The following SLC7A14 variants were observed in gnomAD, a reference collection of about 807,000 sequenced individuals.
SLC7A14 encodes the protein solute carrier family 7 member 14, also known as gamma-aminobutyric acid transporter SLC7A14.
In SLC7A14, 37 loss-of-function variants were observed where a neutral mutation model predicts 60.2. That is an observed-to-expected ratio of 0.61 (90% CI 0.47 to 0.81). The LOEUF (loss-of-function observed/expected upper bound fraction) is 0.81, where lower values mean the gene tolerates loss of function less well. Among genes scored for constraint, SLC7A14 ranks in the 30% least tolerant of loss-of-function variants. The pLI is 0.00. For synonymous variants in SLC7A14, 399 were observed against 395.8 expected, an observed-to-expected ratio of 1.01 and a Z score of -0.10; for missense variants, 886 against 982.7, an observed-to-expected ratio of 0.90 and a Z score of 1.32.
rs189430716 is a variant in SLC7A14 at position 170,554,703 on chromosome 3, G to T, written c.-152-27615C>A. Among the ~76,000 whole-genome samples the T allele has an allele frequency of 3.9e-3, 594 of 152,294 alleles. 2 individuals are homozygous for T. The highest frequency in any genetic ancestry group is 6.8e-3 in the South Asian group (33 of 4,830). ...ATGTTCCTCCTAAAGCCCAACTGTG[G>T]TTATTATCTCTTTGCTCAGGAGCCT... On this transcript the variant is annotated intron_variant, in intron 1 of 7. Coordinates refer to ENST00000231706, the MANE Select transcript of SLC7A14 (RefSeq NM_020949.3).
At chr3:170,580,230 G>A (rs548312965) in intron 1 of SLC7A14, among the ~76,000 whole-genome samples, 3 of 152,298 alleles carry the variant, frequency 2.0e-5, no homozygotes, top group Admixed American at 2.0e-4. Context: ...CTTCAACTAT[G>A]TTATTGATTA....
At chr3:170,486,814 G>T (rs540732189) in intron 4 of SLC7A14, among the ~76,000 whole-genome samples, 1 of 150,178 alleles carries the variant, frequency 6.7e-6, no homozygotes, top group Non-Finnish European at 1.5e-5. Flanking sequence ...AGAGGTTGCA[G>T]TGAGCTGAGA....
chr3:170,467,046 G>A lies in SLC7A14; in HGVS notation c.*9C>T. ...GTCATCACCATTTCTACCCACTTGT[G>A]TGTTTCTCCTACTCTGGAGAGTAAT... On this transcript the variant is annotated 3_prime_UTR_variant, in exon 8 of 8. Transcript: ENST00000231706. 6.3e-7 allele frequency: 1 copy of A among 1,582,256 alleles called. No homozygotes were observed. The highest frequency in any genetic ancestry group is 8.6e-7 in the Non-Finnish European group (1 of 1,161,878).
chr3:170,485,346 C>CT (rs1391472337), intron 5 of SLC7A14, among the ~76,000 whole-genome samples: 5 of 152,098 alleles, frequency 3.3e-5, no homozygotes, highest in East Asian at 1.9e-4. Flanking sequence ...CTAAAGATGT[C>CT]TTTTTTGGGA....
rs1199652237 is a variant in SLC7A14, at chr3:170,582,923, A to C, written c.-153+2988T>G. Among the ~76,000 whole-genome samples, 5 of 152,206 alleles carry C rather than the reference A, an allele frequency of 3.3e-5. No individual in the cohort carries two copies. In the East Asian group the frequency reaches 9.6e-4, roughly 29 times the overall value. On this transcript the variant is annotated intron_variant, in intron 1 of 7. Transcript: ENST00000231706. ...CAGGTTCTGCTGTATGTTAGAGCGA[A>C]CTAGAATCCTAGGACCATCTTTAGT... is the stretch of plus-strand genomic sequence containing the variant.
chr3:170,566,804 G>C (rs1461239569), intron 1 of SLC7A14, among the ~76,000 whole-genome samples: 1 of 149,694 alleles, frequency 6.7e-6, no homozygotes, highest in Admixed American at 6.7e-5. Flanking sequence ...TCACCTTATA[G>C]TTCAGTTAAA....
At chr3:170,491,002 T>C (rs1054711442) in intron 4 of SLC7A14, among the ~76,000 whole-genome samples, 8 of 152,180 alleles carry the variant, frequency 5.3e-5, no homozygotes, top group Non-Finnish European at 8.8e-5. Context: ...CTCTCCTCCT[T>C]CTACTCCCCT....
At chr3:170,579,995 G>A (rs1286175507) in intron 1 of SLC7A14, among the ~76,000 whole-genome samples, 3 of 152,182 alleles carry the variant, frequency 2.0e-5, no homozygotes, top group Non-Finnish European at 1.5e-5. Context: ...CCCGAGAAGG[G>A]CTAGAAGTGT....
At chr3:170,549,205 G>A (rs1030673224) in intron 1 of SLC7A14, among the ~76,000 whole-genome samples, 1 of 146,980 alleles carries the variant, frequency 6.8e-6, no homozygotes, top group Non-Finnish European at 1.5e-5. Flanking sequence ...CTGGGACACC[G>A]GCCTTCTTCT....
chr3:170,543,751 CTT>C (rs1177925466), intron 1 of SLC7A14, among the ~76,000 whole-genome samples: 45 of 136,686 alleles, frequency 3.3e-4, no homozygotes, highest in Middle Eastern at 3.7e-3. Flanking sequence ...TTCTTTCTTT[CTT>C]TTTTTTTTTT....
intron 1 of SLC7A14, among the ~76,000 whole-genome samples, chr3:170,541,710 G>A (rs961988281): frequency 6.6e-6 from 1 of 152,202 alleles, no homozygotes; most frequent in South Asian, 2.1e-4. Flanking sequence ...ATGGTAAAAT[G>A]TTAAAAATGG....
At chr3:170,537,933 T>C (rs922991723) in intron 1 of SLC7A14, among the ~76,000 whole-genome samples, 3 of 144,854 alleles carry the variant, frequency 2.1e-5, no homozygotes, top group African/African-American at 7.9e-5. Flanking sequence ...GTCTATATGG[T>C]CGTGGTCCTT....
chr3:170,514,202 A>G (rs1232540259), intron 2 of SLC7A14, among the ~76,000 whole-genome samples: 1 of 152,210 alleles, frequency 6.6e-6, no homozygotes, highest in Non-Finnish European at 1.5e-5. Context: ...TGTTCAAAGT[A>G]GATGGCCTGG....
chr3:170,530,366 C>T (rs985267243), intron 1 of SLC7A14, among the ~76,000 whole-genome samples: 2 of 152,076 alleles, frequency 1.3e-5, no homozygotes, highest in Non-Finnish European at 2.9e-5. Context: ...ATTTGAGTGT[C>T]GTGTTGACTA....
chr3:170,526,076 A>T (rs1399695262), intron 2 of SLC7A14, among the ~76,000 whole-genome samples: 5 of 126,338 alleles, frequency 4.0e-5, no homozygotes, highest in South Asian at 2.5e-4. Context: ...GACTCTGTTT[A>T]AAAAAAAAAA....
chr3:170,549,662 C>G (rs1182622826), intron 1 of SLC7A14, among the ~76,000 whole-genome samples: 1 of 152,162 alleles, frequency 6.6e-6, no homozygotes, highest in African/African-American at 2.4e-5. Context: ...TAGAGCTACC[C>G]GATGCCCTGG....
chr3:170,482,129 C>T (rs1387970482), intron 6 of SLC7A14, among the ~76,000 whole-genome samples: 1 of 152,164 alleles, frequency 6.6e-6, no homozygotes, highest in Non-Finnish European at 1.5e-5. Context: ...CAGCTAGTTA[C>T]TGACTGAAGA....
In SLC7A14 at chr3:170,526,770, A is replaced by T. The variant is rs779042643; in HGVS notation, c.167T>A (p.Val56Glu). ...GCCAACGCCAAGAGAGATGAGGTCC[A>T]CTGTGGTGAGTACCTGGGCTAGCTT... Reference protein sequence around the residue: ...GTKLAQVLTTVDLISLGVGSC... With the variant: ...GTKLAQVLTTEDLISLGVGSC... Residue 56 changes from valine (V) to glutamate (E), a missense_variant, in exon 2 of 8, where the codon GTG (valine) becomes GAG (glutamate). Physicochemically the swap from Val to Glu is moderately radical, Grantham distance 121. Coordinates refer to ENST00000231706, the MANE Select transcript of SLC7A14 (RefSeq NM_020949.3). 17 of 1,614,120 alleles carry T rather than the reference A, an allele frequency of 1.1e-5. No homozygotes were observed. The highest frequency in any genetic ancestry group is 1.4e-5 in the Non-Finnish European group (17 of 1,180,042).
chr3:170,484,616 T>C (rs1010495372), intron 5 of SLC7A14, among the ~76,000 whole-genome samples: 2 of 152,108 alleles, frequency 1.3e-5, no homozygotes, highest in Non-Finnish European at 2.9e-5. Flanking sequence ...ACCATTTCTT[T>C]GCCTATTCCT....
Sources: allele counts gnomAD v4.1 joint callset (sites outside exome capture counted in the v4.1 genomes callset), GRCh38; gene constraint gnomAD v4.1.1; transcripts MANE v1.5; gene names NCBI Gene and HGNC (gene_info 2026-07-23, HGNC 2026-07-21).